The following MTAP variants were observed in gnomAD, a reference collection of about 807,000 sequenced individuals.
The protein encoded by MTAP is S-methyl-5'-thioadenosine phosphorylase.
MTAP carries 33 observed loss-of-function variants against 33.6 expected under a neutral mutation model. The ratio of observed to expected loss-of-function variants is 0.98; its 90% CI spans 0.74 to 1.31. The LOEUF is 1.31. Ranked by LOEUF, MTAP falls within the 40% of genes most tolerant of loss-of-function variation. MTAP has a pLI of 0.00. For synonymous variants in MTAP, 148 were observed against 125.7 expected, an observed-to-expected ratio of 1.18 and a Z score of -1.19; for missense variants, 367 against 360.0, an observed-to-expected ratio of 1.02 and a Z score of -0.16.
chr9:21,826,420 A>G (rs1824802868), intron 4 of MTAP, among the ~76,000 whole-genome samples: 1 of 151,360 alleles, frequency 6.6e-6, no homozygotes, highest in Admixed American at 6.6e-5. Context: ...AATTGTATCA[A>G]GTGTCATTTA....
downstream of MTAP, among the ~76,000 whole-genome samples, chr9:21,871,604 A>G (rs895168099): frequency 6.6e-6 from 1 of 152,236 alleles, no homozygotes; most frequent in Non-Finnish European, 1.5e-5. Context: ...GTATGTCTAT[A>G]TATACATATA....
intron 1 of MTAP, among the ~76,000 whole-genome samples, chr9:21,810,112 C>G (rs575655237): frequency 1.3e-5 from 2 of 152,314 alleles, no homozygotes; most frequent in South Asian, 4.2e-4. Flanking sequence ...CAAAGCACTA[C>G]AGAATGGGTA....
downstream of MTAP, among the ~76,000 whole-genome samples, chr9:21,867,250 G>T (rs1825867360): frequency 6.6e-6 from 1 of 152,100 alleles, no homozygotes; most frequent in Non-Finnish European, 1.5e-5. Context: ...TGTTACTCTT[G>T]TCTTATTCTC....
intron 1 of MTAP, chr9:21,811,848 C>A: frequency 2.2e-6 from 1 of 447,642 alleles, no homozygotes; most frequent in Non-Finnish European, 4.5e-6. Flanking sequence ...GTGTTGTTGC[C>A]AGTGAAGGTG....
intron 1 of MTAP, among the ~76,000 whole-genome samples, chr9:21,889,849 G>A (rs796289476): frequency 2.2e-4 from 33 of 152,296 alleles, no homozygotes; most frequent in African/African-American, 7.7e-4. Flanking sequence ...TTTGTTTAGT[G>A]CACTGGTTTT....
intron 1 of MTAP, among the ~76,000 whole-genome samples, chr9:21,813,360 T>A (rs1251226904): frequency 6.6e-6 from 1 of 152,194 alleles, no homozygotes; most frequent in Non-Finnish European, 1.5e-5. Context: ...ACTCTTGCTT[T>A]CATGTCCAGG....
intron 1 of MTAP, among the ~76,000 whole-genome samples, chr9:21,874,151 T>C (rs1190404822): frequency 6.6e-6 from 1 of 152,144 alleles, no homozygotes; most frequent in East Asian, 1.9e-4. Flanking sequence ...ACTTCAAATA[T>C]ATACAGAAAT....
intron 1 of MTAP, among the ~76,000 whole-genome samples, chr9:21,915,055 C>CCTTCCTTCCTTTCTTT (rs1554649248): frequency 1.1e-3 from 29 of 25,882 alleles, no homozygotes; most frequent in African/African-American, 3.6e-3. Flanking sequence ...TTCCTTCCTT[C>CCTTCCTTCCTTTCTTT]CTTTCTTTCT....
intron 1 of MTAP, among the ~76,000 whole-genome samples, chr9:21,890,649 A>G (rs1818186169): frequency 6.6e-6 from 1 of 152,018 alleles, no homozygotes; most frequent in Admixed American, 6.6e-5. Flanking sequence ...TTCTACCTTT[A>G]CATTTTGCTG....
chr9:21,932,568 C>G (rs919579885), downstream of MTAP: 3 of 152,128 alleles, frequency 2.0e-5, no homozygotes, highest in Non-Finnish European at 4.4e-5. Context: ...CCTGTGGCCC[C>G]ATCCAGAAGC....
chr9:21,826,651 T>G (rs1456980120), intron 4 of MTAP, among the ~76,000 whole-genome samples: 1 of 135,074 alleles, frequency 7.4e-6, no homozygotes, highest in Non-Finnish European at 1.6e-5. Flanking sequence ...TATTATTATT[T>G]AACTGCACAA....
chr9:21,804,095 G>A (rs1359523890), intron 1 of MTAP, among the ~76,000 whole-genome samples: 1 of 152,194 alleles, frequency 6.6e-6, no homozygotes, highest in Non-Finnish European at 1.5e-5. Context: ...CTTCTCTTAG[G>A]TGCTCATCTA....
chr9:21,927,316 C>G (rs1818885388), intron 1 of MTAP, among the ~76,000 whole-genome samples: 3 of 152,156 alleles, frequency 2.0e-5, no homozygotes, highest in Admixed American at 2.0e-4. Flanking sequence ...CAAGGAGGCC[C>G]TCAAAATCAC....
chr9:21,934,021 G>A (rs557833505), downstream of MTAP: 1 of 152,226 alleles, frequency 6.6e-6, no homozygotes, highest in African/African-American at 2.4e-5. The surrounding 1 kb of genome is among the most constrained non-coding windows in gnomAD (Gnocchi z 5.0). Flanking sequence ...AGCAATGAAT[G>A]ATTCACAAAT....
intron 1 of MTAP, 55 bp downstream of exon 1, chr9:21,802,836 C>A: frequency 6.2e-7 from 1 of 1,605,358 alleles, no homozygotes; most frequent in Non-Finnish European, 8.5e-7. Context: ...CCTTCTCGCC[C>A]CCGCGCCGGG....
At chr9:21,926,903 C>T (rs1484414930) in intron 1 of MTAP, among the ~76,000 whole-genome samples, 3 of 152,136 alleles carry the variant, frequency 2.0e-5, no homozygotes, top group Non-Finnish European at 2.9e-5. Context: ...TACAGGCCAT[C>T]CTTAGAATAC....
chr9:21,850,449 A>G (rs990165914), intron 5 of MTAP, among the ~76,000 whole-genome samples: 33 of 152,184 alleles, frequency 2.2e-4, no homozygotes, highest in African/African-American at 8.0e-4. Flanking sequence ...TGGGTCCAGA[A>G]CAGGAGAAGG....
downstream of MTAP, among the ~76,000 whole-genome samples, chr9:21,869,478 T>C (rs1419651907): frequency 6.6e-6 from 1 of 152,218 alleles, no homozygotes; most frequent in Non-Finnish European, 1.5e-5. Flanking sequence ...TCTCCTTTGC[T>C]GATTTCTTGC....
intron 1 of MTAP, among the ~76,000 whole-genome samples, chr9:21,897,596 CAGAG>C (rs1486895552): frequency 1.3e-5 from 2 of 152,158 alleles, no homozygotes; most frequent in African/African-American, 4.8e-5. Flanking sequence ...AACAGACAAA[CAGAG>C]AGCCAAATCA....
Sources: allele counts gnomAD v4.1 joint callset (sites outside exome capture counted in the v4.1 genomes callset), GRCh38; gene constraint gnomAD v4.1.1; non-coding constraint Gnocchi (gnomAD v3.1); transcripts MANE v1.5; gene names NCBI Gene and HGNC (gene_info 2026-07-23, HGNC 2026-07-21).